The following NUP205 variants were observed in gnomAD, a reference collection of about 807,000 sequenced individuals.
NUP205 encodes the protein nucleoporin 205.
A neutral mutation model predicts 253.8 loss-of-function variants in NUP205; 76 were observed. The ratio of observed to expected loss-of-function variants is 0.30; its 90% CI spans 0.25 to 0.36. NUP205 has a LOEUF of 0.36. NUP205 is among the 10% of genes least tolerant of loss of function. The pLI is 1.00. For missense variants in NUP205, 2,162 were observed against 2,425.5 expected (o/e 0.89, Z 2.28); for synonymous variants, 832 against 850.1 (o/e 0.98, Z 0.37).
chr7:135,625,284 C>G lies in NUP205; in HGVS notation c.4600C>G (p.Arg1534Gly). 1 of 1,614,056 alleles carries G rather than the reference C, an allele frequency of 6.2e-7. No homozygotes were observed. The highest frequency in any genetic ancestry group is 1.1e-5 in the South Asian group (1 of 91,074). ...VLVDSLVEDD[R>G]TLQSLLTPQP... is the part of the protein sequence containing the mutation. Reference sequence around the variant, plus strand: ...CGTAGACAGCTTGGTAGAAGATGACCGTACTTTGCAGAGCTTACTCACCCC... The same window carrying G: ...CGTAGACAGCTTGGTAGAAGATGACGGTACTTTGCAGAGCTTACTCACCCC... Residue 1534 changes from arginine (R) to glycine (G), a missense_variant, in exon 32 of 43, where the codon CGT becomes GGT. Arg to Gly is a moderately radical substitution (Grantham distance 125). This residue lies in a region of NUP205 where 1,144 missense variants were observed against 1,280.9 expected (regional missense o/e 0.89). Coordinates refer to ENST00000285968, the MANE Select transcript of NUP205 (RefSeq NM_015135.3).
In NUP205 at chr7:135,597,161, C is replaced by T. The variant is rs75191469; in HGVS notation, c.2014-207C>T. On this transcript the variant is annotated intron_variant, in intron 13 of 42. Transcript: ENST00000285968. ...TGTGCTCTTAGAAACTACCAATTTT[C>T]AGAACCCCAGACAGTCAAAAGTTCT... The T allele has an allele frequency of 0.024, 11,152 of 461,862 alleles. 344 individuals carry two copies. The highest frequency in any genetic ancestry group is 0.098 in the African/African-American group (5,008 of 51,272). 28.6% of individuals were successfully genotyped at this position (461,862 alleles called of 1,614,324 possible).
chr7:135,579,467 T>G (rs1806246573), intron 7 of NUP205, among the ~76,000 whole-genome samples: 1 of 152,190 alleles, frequency 6.6e-6, no homozygotes, highest in Non-Finnish European at 1.5e-5. Context: ...GTGCTGGGAT[T>G]GCAACACGTG....
chr7:135,572,586 G>C (rs1323825118), intron 2 of NUP205, among the ~76,000 whole-genome samples: 1 of 152,286 alleles, frequency 6.6e-6, no homozygotes, highest in South Asian at 2.1e-4. Flanking sequence ...TTGTGTGTCA[G>C]AGTCTCACTC....
chr7:135,558,180 A>G, intron 1 of NUP205: 1 of 606,584 alleles, frequency 1.6e-6, no homozygotes, highest in Non-Finnish European at 3.0e-6. Context: ...GGGGTTTGAG[A>G]TTCCAGGCAG....
At chr7:135,567,536 A>G (rs1474079317) in intron 1 of NUP205, among the ~76,000 whole-genome samples, 2 of 150,984 alleles carry the variant, frequency 1.3e-5, no homozygotes, top group African/African-American at 4.9e-5. Context: ...TCTTGACCCC[A>G]GGAAGTTGAG....
intron 2 of NUP205, 124 bp downstream of exon 2, chr7:135,571,371 C>T: frequency 3.8e-6 from 2 of 520,366 alleles, no homozygotes; most frequent in Non-Finnish European, 2.9e-6. Context: ...TACTGTGCCA[C>T]AGTCTCATGA....
chr7:135,636,132 C>T (rs1000499075), intron 36 of NUP205, among the ~76,000 whole-genome samples: 1 of 152,180 alleles, frequency 6.6e-6, no homozygotes, highest in African/African-American at 2.4e-5. Flanking sequence ...AATCTCCTCT[C>T]AATATGTTCT....
intron 7 of NUP205, among the ~76,000 whole-genome samples, chr7:135,580,239 T>C (rs1806267281): frequency 6.6e-6 from 1 of 152,166 alleles, no homozygotes; most frequent in Non-Finnish European, 1.5e-5. Context: ...GTTCCCAAGG[T>C]GTTTGCAGAA....
chr7:135,575,874 G>T (rs76681186), intron 3 of NUP205, among the ~76,000 whole-genome samples: 3,815 of 152,272 alleles, frequency 0.025, 79 homozygotes, highest in South Asian at 0.076. Context: ...ATTCAGAGAA[G>T]ATTCCGAGGG....
intron 12 of NUP205, 53 bp from the exon 13 acceptor site, chr7:135,594,494 T>C: frequency 7.1e-7 from 1 of 1,410,264 alleles, no homozygotes; most frequent in East Asian, 2.3e-5. Flanking sequence ...TTGCTGGTCA[T>C]TTTAATAACT....
chr7:135,573,198 G>A (rs1023473595), intron 2 of NUP205, among the ~76,000 whole-genome samples: 5 of 151,956 alleles, frequency 3.3e-5, no homozygotes, highest in African/African-American at 4.8e-5. Context: ...TGTACTGTAC[G>A]TCATATGTTA....
chr7:135,570,756 T>TAATATATATTAATTATATTAA, intron 1 of NUP205, among the ~76,000 whole-genome samples: 1 of 72,914 alleles, frequency 1.4e-5, no homozygotes, highest in South Asian at 3.9e-4. Flanking sequence ...TTAATTATAT[T>TAATATATATTAATTATATTAA]TATATATTAT....
chr7:135,615,214 C>T (rs1387004297), intron 23 of NUP205, among the ~76,000 whole-genome samples: 3 of 151,990 alleles, frequency 2.0e-5, no homozygotes, highest in Non-Finnish European at 2.9e-5. Flanking sequence ...TTTATACTGT[C>T]ACAGTTTAGG....
intron 35 of NUP205, among the ~76,000 whole-genome samples, chr7:135,634,953 T>G (rs1246361479): frequency 6.6e-6 from 1 of 152,114 alleles, no homozygotes; most frequent in Non-Finnish European, 1.5e-5. Context: ...TTTGAGTGGC[T>G]AGGATAGGTT....
At chr7:135,633,664 A>G (rs1794756791) in intron 35 of NUP205, among the ~76,000 whole-genome samples, 1 of 152,076 alleles carries the variant, frequency 6.6e-6, no homozygotes, top group Non-Finnish European at 1.5e-5. Context: ...GCTGGTCTCA[A>G]ACTTCTGGCC....
At chr7:135,636,723 T>C (rs1794818033) in intron 36 of NUP205, among the ~76,000 whole-genome samples, 1 of 152,202 alleles carries the variant, frequency 6.6e-6, no homozygotes, top group South Asian at 2.1e-4. Flanking sequence ...AAACTTACAG[T>C]GGCCGGGTGG....
chr7:135,642,843 GGTGTGTGTGTGT>G (rs57007288), intron 38 of NUP205, among the ~76,000 whole-genome samples: 3,448 of 144,980 alleles, frequency 0.024, 56 homozygotes, highest in Middle Eastern at 0.074. Context: ...GATGTGGAGG[GGTGTGTGTGTGT>G]GTGTGTGTGT....
intron 7 of NUP205, among the ~76,000 whole-genome samples, chr7:135,581,958 G>A (rs1806317577): frequency 6.6e-6 from 1 of 151,988 alleles, no homozygotes; most frequent in African/African-American, 2.4e-5. Flanking sequence ...TTTATATTAA[G>A]ACAATGATGC....
chr7:135,640,816 A>G (rs1232655992), intron 38 of NUP205, among the ~76,000 whole-genome samples: 1 of 152,222 alleles, frequency 6.6e-6, no homozygotes, highest in East Asian at 1.9e-4. Flanking sequence ...TCTATTTTAT[A>G]GAGTAAAATA....
Sources: gnomAD v4.1 joint callset for allele counts (sites outside exome capture counted in the v4.1 genomes callset) on GRCh38, gnomAD v4.1.1 for gene constraint, gnomAD v4.1.1 regional missense constraint, MANE v1.5 for transcripts, NCBI Gene and HGNC (gene_info 2026-07-23, HGNC 2026-07-21) for gene names.